Variants in ADD3 observed in about 807,000 individuals in gnomAD.
ADD3 encodes the protein gamma-adducin.
A neutral mutation model predicts 80.2 loss-of-function variants in ADD3; 25 were observed. That is an observed-to-expected ratio of 0.31 (90% CI 0.23 to 0.44). The LOEUF is 0.44. ADD3 is among the 20% of genes least tolerant of loss of function. The probability of loss-of-function intolerance (pLI) is 1.00; values close to 1 mark genes in which losing one functional copy is unlikely to be tolerated. For synonymous variants in ADD3, 284 were observed against 289.6 expected, an observed-to-expected ratio of 0.98 and a Z score of 0.20; for missense variants, 829 against 847.5, an observed-to-expected ratio of 0.98 and a Z score of 0.27.
chr10:110,118,019 TACACAC>T (rs148105742), intron 5 of ADD3, among the ~76,000 whole-genome samples: 10,856 of 125,434 alleles, frequency 0.087, 476 homozygotes, highest in Non-Finnish European at 0.1. Context: ...CTGTCTTCAA[TACACAC>T]ACACACACAC....
At chr10:110,013,866 G>T (rs535858314) in intron 1 of ADD3, among the ~76,000 whole-genome samples, 41 of 152,290 alleles carry the variant, frequency 2.7e-4, no homozygotes, top group African/African-American at 9.6e-4. Flanking sequence ...CTCAAACAAT[G>T]TAAAAGCAAT....
intron 1 of ADD3, among the ~76,000 whole-genome samples, chr10:110,016,904 A>G (rs934985483): frequency 1.3e-5 from 2 of 152,252 alleles, no homozygotes; most frequent in Non-Finnish European, 2.9e-5. Flanking sequence ...TGTCAAAGCC[A>G]GACAAGAAGG....
chr10:110,053,116 A>G (rs1212646227), intron 1 of ADD3, among the ~76,000 whole-genome samples: 1 of 152,228 alleles, frequency 6.6e-6, no homozygotes, highest in Non-Finnish European at 1.5e-5. Context: ...AGTAAATACA[A>G]GCCAGATGGC....
At chr10:110,044,421 A>T (rs1856703275) in intron 1 of ADD3, among the ~76,000 whole-genome samples, 1 of 152,106 alleles carries the variant, frequency 6.6e-6, no homozygotes, top group African/African-American at 2.4e-5. Flanking sequence ...ATTGATGCTT[A>T]TCATATGATT....
intron 1 of ADD3, among the ~76,000 whole-genome samples, chr10:110,093,016 GC>G: frequency 6.6e-6 from 1 of 152,136 alleles, no homozygotes; most frequent in South Asian, 2.1e-4. Context: ...ATGCCACCAT[GC>G]CCAGCTAATT....
intron 1 of ADD3, among the ~76,000 whole-genome samples, chr10:110,096,495 G>A (rs1439638076): frequency 6.6e-6 from 1 of 152,168 alleles, no homozygotes; most frequent in Non-Finnish European, 1.5e-5. Flanking sequence ...AAAGCTTTGT[G>A]TGTTTAACAA....
At chr10:110,094,388 T>A (rs1020104879) in intron 1 of ADD3, among the ~76,000 whole-genome samples, 11 of 152,196 alleles carry the variant, frequency 7.2e-5, no homozygotes, top group African/African-American at 2.7e-4. Context: ...TTTCCTCTCA[T>A]CTGTAAAAAG....
intron 8 of ADD3, chr10:110,119,791 T>C (rs1437516355): frequency 1.2e-5 from 5 of 418,954 alleles, no homozygotes; most frequent in South Asian, 9.8e-5. Context: ...CTCATAAACA[T>C]CATTTTCCCT....
intron 1 of ADD3, among the ~76,000 whole-genome samples, chr10:110,068,544 T>C (rs957118701): frequency 1.3e-5 from 2 of 152,274 alleles, no homozygotes; most frequent in Admixed American, 1.3e-4. Context: ...ATCCTGGATT[T>C]TGGTGGCCAT....
chr10:110,124,436 C>G (rs1410736689), intron 10 of ADD3, among the ~76,000 whole-genome samples, 162 bp downstream of exon 10: 2 of 152,136 alleles, frequency 1.3e-5, no homozygotes, highest in Admixed American at 6.5e-5. Flanking sequence ...TTCTAAGTGC[C>G]ATACACGAAT....
At chr10:110,046,884 C>T (rs1004069042) in intron 1 of ADD3, among the ~76,000 whole-genome samples, 1 of 149,776 alleles carries the variant, frequency 6.7e-6, no homozygotes, top group African/African-American at 2.4e-5. Context: ...TAAATACTGT[C>T]ATAATCCAGG....
upstream of ADD3, among the ~76,000 whole-genome samples, chr10:110,004,721 G>C (rs1005253379): frequency 5.9e-5 from 9 of 152,052 alleles, no homozygotes; most frequent in Non-Finnish European, 1.5e-5. Flanking sequence ...AACAAAAGCT[G>C]TGCAAAGAAA....
intron 1 of ADD3, among the ~76,000 whole-genome samples, chr10:110,038,516 C>A (rs569505239): frequency 5.3e-5 from 8 of 152,192 alleles, no homozygotes; most frequent in Non-Finnish European, 1.0e-4. Context: ...GAATATTATG[C>A]AGCCCTTACA....
chr10:110,066,089 T>A (rs967486462), intron 1 of ADD3, among the ~76,000 whole-genome samples: 5 of 152,194 alleles, frequency 3.3e-5, no homozygotes, highest in Non-Finnish European at 7.3e-5. Flanking sequence ...TGAAGACCAC[T>A]TCATGTTTCT....
At chr10:110,004,562 G>T (rs561432111), upstream of ADD3, among the ~76,000 whole-genome samples, 32 of 151,640 alleles carry the variant, frequency 2.1e-4, no homozygotes, top group African/African-American at 7.0e-4. Context: ...GCCTGCCTCA[G>T]CCTCCCAAAG....
intron 1 of ADD3, among the ~76,000 whole-genome samples, chr10:110,019,128 A>G (rs1016519045): frequency 1.3e-5 from 2 of 152,162 alleles, no homozygotes; most frequent in African/African-American, 4.8e-5. Flanking sequence ...AATGTCTGTT[A>G]TATAACTTTT....
Position 110,119,321 on chromosome 10 carries a change from T to A in ADD3, c.828T>A (p.Ile276=). ...CACTTGAAGAACAGGAGGAGAGAAT[T>A]CAACTGCAGAAGGTTCTGGGACCAA... ...QGSLEEQEER[I]QLQKVLGPSC... Residue 276 remains isoleucine (I), a synonymous_variant, in exon 7 of 15, where the codon ATT becomes ATA. Coordinates refer to ENST00000356080, the MANE Select transcript of ADD3 (RefSeq NM_016824.5). 1 of 1,614,154 alleles carries A rather than the reference T, an allele frequency of 6.2e-7. No homozygotes were observed. The highest frequency in any genetic ancestry group is 8.5e-7 in the Non-Finnish European group (1 of 1,180,002).
chr10:110,088,952 C>T (rs1847136748), intron 1 of ADD3, among the ~76,000 whole-genome samples: 2 of 152,124 alleles, frequency 1.3e-5, no homozygotes, highest in Admixed American at 1.3e-4. Flanking sequence ...AGACTCAGCT[C>T]ATTTTTAATA....
intron 2 of ADD3, among the ~76,000 whole-genome samples, chr10:110,110,818 A>G (rs1171504676): frequency 6.6e-6 from 1 of 152,034 alleles, no homozygotes; most frequent in Non-Finnish European, 1.5e-5. Context: ...AACATGGTGA[A>G]ACCCCATCTC....
Sources: allele counts gnomAD v4.1 joint callset (sites outside exome capture counted in the v4.1 genomes callset), GRCh38; gene constraint gnomAD v4.1.1; transcripts MANE v1.5; gene names NCBI Gene and HGNC (gene_info 2026-07-23, HGNC 2026-07-21).